The following DNAH1 variants were observed in gnomAD, a reference collection of about 807,000 sequenced individuals.
DNAH1 encodes dynein axonemal heavy chain 1.
Under a neutral mutation model 484.3 loss-of-function variants are expected in DNAH1, and 327 were observed. That is an observed-to-expected ratio of 0.68 (90% CI 0.62 to 0.74). DNAH1 has a LOEUF of 0.74. DNAH1 is among the 30% of genes least tolerant of loss of function. DNAH1 has a pLI of 0.00. For synonymous variants in DNAH1, 2,192 were observed against 2,191.9 expected (o/e 1.00, Z 0.00); for missense variants, 5,052 against 5,546.8 (o/e 0.91, Z 2.83).
Position 52,395,812 on chromosome 3 carries a change from C to T in DNAH1, c.11259+134C>T. 2 of 1,268,930 alleles carry T rather than the reference C, an allele frequency of 1.6e-6. No homozygotes were observed. Among genetic ancestry groups the T allele is most frequent in the Non-Finnish European group, 2.2e-6 (2 of 915,848 alleles). The allele number at this position is 1,268,930 out of a possible 1,614,324, so 78.6% of individuals were successfully genotyped here. On this transcript the variant is annotated intron_variant, in intron 70 of 77. Transcript: ENST00000420323. The surrounding 1 kb of genome is among the most constrained non-coding windows in gnomAD (Gnocchi z 4.4). ...CACGTGGCAAGTGCTCAGCAACTGACATGTGCCACACATCGACATCATTAA... is the reference window on the plus strand; with the variant it reads ...CACGTGGCAAGTGCTCAGCAACTGATATGTGCCACACATCGACATCATTAA...
intron 34 of DNAH1, among the ~76,000 whole-genome samples, chr3:52,365,302 C>T (rs1182955065): frequency 6.6e-6 from 1 of 152,194 alleles, no homozygotes; most frequent in Non-Finnish European, 1.5e-5. Flanking sequence ...GGCCTTGCCT[C>T]ATCAGGGCCT....
chr3:52,316,306 C>T (rs1049320621), upstream of DNAH1: 4 of 152,342 alleles, frequency 2.6e-5, no homozygotes, highest in African/African-American at 9.6e-5. Context: ...GCAGGTGCCT[C>T]TCTACAGGCC....
rs1703847146 is a variant in DNAH1 at position 52,381,612 on chromosome 3, C to G, written c.7609-28C>G. On this transcript the variant is annotated intron_variant, in intron 48 of 77. Coordinates refer to ENST00000420323, the MANE Select transcript of DNAH1 (RefSeq NM_015512.5). The surrounding 1 kb of genome is among the most constrained non-coding windows in gnomAD (Gnocchi z 4.1). ...AGACCCTACAGTAAGAGAGACCCCG[C>G]CTTCCCCATCCTCGCCTTGGTGCAC... 1 of 1,571,180 alleles carries G rather than the reference C, an allele frequency of 6.4e-7. No homozygotes were observed. Among genetic ancestry groups the G allele is most frequent in the Non-Finnish European group, 8.7e-7 (1 of 1,155,566 alleles).
intron 17 of DNAH1, 23 bp downstream of exon 17, chr3:52,352,126 G>T: frequency 6.4e-7 from 1 of 1,562,422 alleles, no homozygotes. Flanking sequence ...TGCAGGCTTG[G>T]TGCTGGACAC....
In DNAH1 at chr3:52,359,456, CG is replaced by C. The variant is rs1702764738; in HGVS notation, c.4407+72del. The C allele has an allele frequency of 2.0e-6, 3 of 1,534,388 alleles. No homozygotes were observed. In the African/African-American group the frequency reaches 4.1e-5, roughly 21 times the overall value. On this transcript the variant is annotated intron_variant, in intron 26 of 77. Coordinates refer to ENST00000420323, the MANE Select transcript of DNAH1 (RefSeq NM_015512.5). Reference sequence around the variant, plus strand: ...ATGGCACAGGAGGGCCCAGTCCCTCCGGAAGCTTTCTCCTATAGTGAGCCTG... The same window carrying C: ...ATGGCACAGGAGGGCCCAGTCCCTCCGAAGCTTTCTCCTATAGTGAGCCTG...
rs368444329 is a variant in DNAH1 at position 52,392,906 on chromosome 3, G to C, written c.10355G>C (p.Arg3452Pro). 1 of 1,611,088 alleles carries C rather than the reference G, an allele frequency of 6.2e-7. No homozygotes were observed. Among genetic ancestry groups the C allele is most frequent in the South Asian group, 1.1e-5 (1 of 90,972 alleles). ...TRMEYIPVAI[R>P]TQILFFCVSD... ...ATGGAGTACATACCCGTGGCCATCC[G>C]CACCCAGATCCTCTTCTTCTGTGTG... is the stretch of plus-strand genomic sequence containing the variant. The change falls in exon 65 of 78, where the codon CGC becomes CCC. Residue 3452 changes from arginine (R) to proline (P), a missense_variant. Arg to Pro is a moderately radical substitution (Grantham distance 103). Transcript: ENST00000420323.
At chr3:52,380,725 A>G (rs1703808183) in intron 48 of DNAH1, among the ~76,000 whole-genome samples, 1 of 152,190 alleles carries the variant, frequency 6.6e-6, no homozygotes, top group South Asian at 2.1e-4. Context: ...ATGCTGTGGC[A>G]GGTGAGCTCC....
Position 52,355,514 on chromosome 3 carries a change from A to G in DNAH1, c.3693+459A>G, listed in dbSNP as rs553167244. The stretch of plus-strand genomic sequence containing the variant: ...CCTTGGTTGAGGGGACTGGGCCACC[A>G]GGGACTGCACTTGTCTTGGGCTCTC... On this transcript the variant is annotated intron_variant, in intron 21 of 77. Coordinates refer to ENST00000420323, the MANE Select transcript of DNAH1 (RefSeq NM_015512.5). This position sits in a 1 kb window ranked among gnomAD's most constrained non-coding sequence, Gnocchi z 4.5. 6.6e-6 allele frequency among the ~76,000 whole-genome samples: 1 copy of G among 152,226 alleles called. No individual in the cohort carries two copies. Among genetic ancestry groups the G allele is most frequent in the Non-Finnish European group, 1.5e-5 (1 of 68,038 alleles).
Position 52,396,713 on chromosome 3 carries a change from C to T in DNAH1, c.11526C>T (p.Pro3842=), listed in dbSNP as rs1704646200. The change falls in exon 72 of 78, where the codon CCC becomes CCT. Residue 3842 remains proline (P), a synonymous_variant. Coordinates refer to ENST00000420323, the MANE Select transcript of DNAH1 (RefSeq NM_015512.5). The stretch of plus-strand genomic sequence containing the variant: ...TTGGGCCCCTGGGCTTCAACATCCC[C>T]TATGAGTTCACGGATGGAGATCTGC... ...RKFGPLGFNI[P]YEFTDGDLRI... The T allele has an allele frequency of 1.2e-6, 2 of 1,613,812 alleles. No homozygotes were observed. The highest frequency in any genetic ancestry group is 1.7e-6 in the Non-Finnish European group (2 of 1,179,884).
At chr3:52,332,459 A>C in intron 8 of DNAH1, 65 bp downstream of exon 8, 1 of 1,575,644 alleles carries the variant, frequency 6.3e-7, no homozygotes. Flanking sequence ...TCCCATAGGA[A>C]GTTGGTGCTA....
At chr3:52,342,611 G>GCAGGGGTCACCCACCCTCAGGCC (rs1701979593) in intron 8 of DNAH1, among the ~76,000 whole-genome samples, 1 of 152,234 alleles carries the variant, frequency 6.6e-6, no homozygotes, top group Non-Finnish European at 1.5e-5. Flanking sequence ...AGGATCAGGT[G>GCAGGGGTCACCCACCCTCAGGCC]CAGGGGTCAC....
rs745428356 is a variant in DNAH1, at chr3:52,322,775, G to A, written c.333G>A (p.Gly111=). The A allele has an allele frequency of 1.1e-5, 18 of 1,595,102 alleles. 1 individual carries two copies. Among genetic ancestry groups the A allele is most frequent in the Middle Eastern group, 1.7e-4 (1 of 6,044 alleles). The change falls in exon 2 of 78, where the codon GGG becomes GGA. Residue 111 remains glycine, a splice_region_variant and synonymous_variant. Coordinates refer to ENST00000420323, the MANE Select transcript of DNAH1 (RefSeq NM_015512.5). ...GCCCTGGAACCTTAGATCAACTTGGGGTGAGTATGGCAGCCATCCCCTACC... is the reference window on the plus strand; with the variant it reads ...GCCCTGGAACCTTAGATCAACTTGGAGTGAGTATGGCAGCCATCCCCTACC... ...ILSPGTLDQL[G]EVCRGPRMSQ... is the part of the protein sequence containing the mutation.
In DNAH1 at chr3:52,355,981, G is replaced by A. The variant is rs1361749394; in HGVS notation, c.3694-633G>A. ...GGAAGGGACCAGGCCGCATTCCCCTGTTTCCCCTAGTGCCTCCCAGGGCCT... is the reference window on the plus strand; with the variant it reads ...GGAAGGGACCAGGCCGCATTCCCCTATTTCCCCTAGTGCCTCCCAGGGCCT... On this transcript the variant is annotated intron_variant, in intron 21 of 77. Coordinates refer to ENST00000420323, the MANE Select transcript of DNAH1 (RefSeq NM_015512.5). The surrounding 1 kb of genome is among the most constrained non-coding windows in gnomAD (Gnocchi z 4.5). 2.6e-5 allele frequency among the ~76,000 whole-genome samples: 4 copies of A among 152,214 alleles called. No individual in the cohort carries two copies. Among genetic ancestry groups the A allele is most frequent in the Non-Finnish European group, 5.9e-5 (4 of 68,030 alleles).
At chr3:52,388,060 A>G (rs1704185599) in intron 56 of DNAH1, 107 bp from the exon 57 acceptor site, 1 of 1,402,344 alleles carries the variant, frequency 7.1e-7, no homozygotes, top group South Asian at 1.4e-5. Flanking sequence ...AGGCCTGCAC[A>G]GGGCATAAAA....
intron 52 of DNAH1, 103 bp downstream of exon 52, chr3:52,384,134 G>A (rs370931029): frequency 1.8e-5 from 22 of 1,245,326 alleles, no homozygotes; most frequent in East Asian, 1.3e-4. Context: ...GCCCACCACC[G>A]AGGGTAAGCT....
At chr3:52,367,668 T>C (rs1703143623) in intron 36 of DNAH1, among the ~76,000 whole-genome samples, 3 of 152,086 alleles carry the variant, frequency 2.0e-5, no homozygotes, top group Admixed American at 2.0e-4. Context: ...TCTGCCTCCT[T>C]GTTCAAGCGA....
intron 65 of DNAH1, 52 bp from the exon 66 acceptor site, chr3:52,393,282 G>T: frequency 6.2e-7 from 1 of 1,604,712 alleles, no homozygotes; most frequent in Non-Finnish European, 8.5e-7. Flanking sequence ...GGACCCCGGG[G>T]CTCTTCCTTC....
Position 52,370,835 on chromosome 3 carries a change from G to A in DNAH1, c.6525+10G>A. On this transcript the variant is annotated intron_variant, in intron 41 of 77. Coordinates refer to ENST00000420323, the MANE Select transcript of DNAH1 (RefSeq NM_015512.5). ...GGAGGAATACAAGCAGGTGGCCGCAGGCCCTCCCCAGAGACTGCACAGGGA... is the reference window on the plus strand; with the variant it reads ...GGAGGAATACAAGCAGGTGGCCGCAAGCCCTCCCCAGAGACTGCACAGGGA... 6.3e-7 allele frequency: 1 copy of A among 1,582,414 alleles called. No individual in the cohort carries two copies. Among genetic ancestry groups the A allele is most frequent in the African/African-American group, 1.3e-5 (1 of 74,302 alleles).
rs145436187 is a variant in DNAH1, at chr3:52,316,552, A to T, written c.-35+7A>T. The T allele has an allele frequency of 5.4e-4, 83 of 152,406 alleles. 1 individual carries two copies. In the East Asian group the frequency reaches 0.015, roughly 28 times the overall value. 9.4% of individuals were successfully genotyped at this position (152,406 alleles called of 1,614,324 possible). ...CACCATCAGGTCTTGAAGGGTGAGT[A>T]GGAGTCCGCCAGATGCAGGAGTGGA... is the stretch of plus-strand genomic sequence containing the variant. On this transcript the variant is annotated splice_region_variant and intron_variant, in intron 1 of 77. Transcript: ENST00000420323.
Sources: allele counts gnomAD v4.1 joint callset (sites outside exome capture counted in the v4.1 genomes callset), GRCh38; gene constraint gnomAD v4.1.1; non-coding constraint Gnocchi (gnomAD v3.1); transcripts MANE v1.5; gene names NCBI Gene and HGNC (gene_info 2026-07-23, HGNC 2026-07-21).